Variants in INTS11 observed in about 807,000 individuals in gnomAD.
INTS11 encodes CPSF3-like protein.
INTS11 carries 77 observed loss-of-function variants against 78.6 expected under a neutral mutation model. That is an observed-to-expected ratio of 0.98 (90% CI 0.81 to 1.18). The LOEUF (loss-of-function observed/expected upper bound fraction) is 1.18, where lower values mean the gene tolerates loss of function less well. Among genes scored for constraint, INTS11 ranks in the 50% most tolerant of loss-of-function variants. INTS11 has a pLI of 0.00. For missense variants in INTS11, 875 were observed against 825.9 expected (o/e 1.06, Z -0.73); for synonymous variants, 441 against 326.9 (o/e 1.35, Z -3.77).
intron 1 of INTS11, chr1:1,322,110 G>T (rs1350310389): frequency 1.9e-6 from 1 of 514,510 alleles, no homozygotes; most frequent in Non-Finnish European, 3.2e-6. Context: ...AGCCACGCCA[G>T]GCTCACAGAG....
rs1279118436 is a variant in INTS11 at position 1,312,117 on chromosome 1, G to A, written c.1638C>T (p.Leu546=). ...SVLKDHCVQH[L]PDGSVTVESV... Reference sequence around the variant, plus strand: ...ACTCCACAGTCACAGAGCCGTCTGGGAGGTGCTGCACACAGTGGTCCTTCA... The same window carrying A: ...ACTCCACAGTCACAGAGCCGTCTGGAAGGTGCTGCACACAGTGGTCCTTCA... Residue 546 remains leucine (L), a synonymous_variant, in exon 16 of 17, where the codon CTC becomes CTT. Transcript: ENST00000435064. 6.3e-7 allele frequency: 1 copy of A among 1,575,024 alleles called. No individual in the cohort carries two copies. Among genetic ancestry groups the A allele is most frequent in the Admixed American group, 1.8e-5 (1 of 55,892 alleles).
At chr1:1,312,173 G>A in intron 15 of INTS11, 26 bp from the exon 16 acceptor site, 2 of 1,466,630 alleles carry the variant, frequency 1.4e-6, no homozygotes, top group Admixed American at 2.1e-5. Context: ...GTGAGACCCT[G>A]CCTGGCCTCC....
chr1:1,318,945 G>A, intron 4 of INTS11: 1 of 717,122 alleles, frequency 1.4e-6, no homozygotes, highest in Non-Finnish European at 2.6e-6. Flanking sequence ...TCCCTGCCCG[G>A]CAACACCCCG....
rs1435997309 is a variant in INTS11 at position 1,314,379 on chromosome 1, A to G, written c.703-14T>C. ...AGGTATCAGCACCTGAGGGGGACAC[A>G]AGGCAGGAGCCCTGGGCACATGGCC... is the stretch of plus-strand genomic sequence containing the variant. On this transcript the variant is annotated splice_polypyrimidine_tract_variant and intron_variant, in intron 7 of 16. Transcript: ENST00000435064. This position sits in a 1 kb window ranked among gnomAD's most constrained non-coding sequence, Gnocchi z 4.2. 6.2e-7 allele frequency: 1 copy of G among 1,600,766 alleles called. No homozygotes were observed. Among genetic ancestry groups the G allele is most frequent in the East Asian group, 2.3e-5 (1 of 44,320 alleles).
rs778736451 is a variant in INTS11 at position 1,312,361 on chromosome 1, C to T, written c.1472G>A (p.Arg491Gln). ...GTLIMKDSNF[R>Q]LVSSEQALKE... ...GAGGGCTTGCTCTGAGGACACCAGC[C>T]GGAAGTTCTGTGGGGCAGGGACAGG... Residue 491 changes from arginine to glutamine, a missense_variant, in exon 15 of 17, where the codon CGG becomes CAG. Transcript: ENST00000435064. The T allele has an allele frequency of 1.5e-5, 23 of 1,564,996 alleles. No individual in the cohort carries two copies. Among genetic ancestry groups the T allele is most frequent in the Admixed American group, 1.1e-4 (6 of 53,032 alleles).
intron 10 of INTS11, 146 bp from the exon 11 acceptor site, chr1:1,313,270 C>G: frequency 9.8e-7 from 1 of 1,020,274 alleles, no homozygotes; most frequent in Non-Finnish European, 1.4e-6. Context: ...CTCCAAAGGG[C>G]TCAGGTTTTG....
At chr1:1,321,256 G>A (rs1429824766) in intron 1 of INTS11, among the ~76,000 whole-genome samples, 163 bp from the exon 2 acceptor site, 1 of 152,196 alleles carries the variant, frequency 6.6e-6, no homozygotes, top group Non-Finnish European at 1.5e-5. Context: ...ACAGGAAGGG[G>A]GACACAGGGG....
At chr1:1,315,082 A>T (rs1467374880) in intron 6 of INTS11, 120 bp from the exon 7 acceptor site, 1 of 1,274,422 alleles carries the variant, frequency 7.8e-7, no homozygotes, top group African/African-American at 1.5e-5. Context: ...CTCTGGCTGG[A>T]AAGAGCCAGC....
rs964348657 is a variant in INTS11, at chr1:1,312,927, T to C, written c.1154A>G (p.Glu385Gly). Reference protein sequence around the residue: ...RQVLEVKMQVEYMSFSAHADA... With the variant: ...RQVLEVKMQVGYMSFSAHADA... The stretch of plus-strand genomic sequence containing the variant: ...CGCGTGTGCGCTGAATGACATGTAC[T>C]CCACCTGCATCTTGACCTCCAGCTA... The change falls in exon 12 of 17, where the codon GAG becomes GGG. Residue 385 changes from glutamate (E) to glycine (G), a missense_variant. Physicochemically the swap from Glu to Gly is moderately conservative, Grantham distance 98. Coordinates refer to ENST00000435064, the MANE Select transcript of INTS11 (RefSeq NM_017871.6). The C allele has an allele frequency of 1.2e-6, 2 of 1,612,044 alleles. No homozygotes were observed. Among genetic ancestry groups the C allele is most frequent in the Non-Finnish European group, 1.7e-6 (2 of 1,179,398 alleles).
At chr1:1,321,822 G>T in intron 1 of INTS11, 1 of 1,042,722 alleles carries the variant, frequency 9.6e-7, no homozygotes, top group Non-Finnish European at 1.3e-6. Flanking sequence ...GGGGGCCCGA[G>T]AGGAAAGGGT....
intron 1 of INTS11, among the ~76,000 whole-genome samples, chr1:1,321,592 C>T (rs1557643649): frequency 1.3e-5 from 2 of 152,230 alleles, no homozygotes; most frequent in Admixed American, 6.5e-5. Context: ...TGTGGAGGGG[C>T]GCCACACAGC....
rs756719002 is a variant in INTS11 at position 1,313,103 on chromosome 1, C to T, written c.1063G>A (p.Val355Met). Reference protein sequence around the residue: ...KNMVIMPGYCVQGTVGHKILS... With the variant: ...KNMVIMPGYCMQGTVGHKILS... Reference sequence around the variant, plus strand: ...ATCTTGTGGCCGACGGTGCCCTGCACGCAGTAGCCGGGCATGATGACCTGG... The same window carrying T: ...ATCTTGTGGCCGACGGTGCCCTGCATGCAGTAGCCGGGCATGATGACCTGG... The change falls in exon 11 of 17, where the codon GTG becomes ATG. Residue 355 changes from valine to methionine, a missense_variant. Val to Met is a conservative substitution (Grantham distance 21). Coordinates refer to ENST00000435064, the MANE Select transcript of INTS11 (RefSeq NM_017871.6). 30 of 1,608,130 alleles carry T rather than the reference C, an allele frequency of 1.9e-5. No individual in the cohort carries two copies. Among genetic ancestry groups the T allele is most frequent in the African/African-American group, 2.7e-5 (2 of 74,932 alleles).
rs914151094 is a variant in INTS11 at position 1,314,819 on chromosome 1, G to A, written c.702+5C>T. On this transcript the variant is annotated splice_donor_5th_base_variant and intron_variant, in intron 7 of 16. Transcript: ENST00000435064. This position sits in a 1 kb window ranked among gnomAD's most constrained non-coding sequence, Gnocchi z 4.2. Reference sequence around the variant, plus strand: ...GGCCCATGTCCCCACCCCTGCTGCAGCTACCTTCCCACCACGCTCCACGGT... The same window carrying A: ...GGCCCATGTCCCCACCCCTGCTGCAACTACCTTCCCACCACGCTCCACGGT... 1.9e-6 allele frequency: 3 copies of A among 1,609,238 alleles called. No homozygotes were observed. In the Admixed American group the frequency reaches 5.0e-5, roughly 27 times the overall value.
chr1:1,320,409 CCA>C (rs1454272016), intron 3 of INTS11, 45 bp downstream of exon 3: 1 of 1,587,302 alleles, frequency 6.3e-7, no homozygotes, highest in Admixed American at 1.7e-5. Context: ...GGCCCAAGCC[CCA>C]CAGGCACAGA....
intron 15 of INTS11, 28 bp downstream of exon 15, chr1:1,312,198 T>TAGGGG (rs752605219): frequency 7.4e-6 from 8 of 1,080,892 alleles, no homozygotes; most frequent in Non-Finnish European, 9.9e-6. Context: ...CCCAAGGGAG[T>TAGGGG]GGGGGGGGGG....
rs1010371825 is a variant in INTS11 at position 1,314,497 on chromosome 1, T to A, written c.703-132A>T. The stretch of plus-strand genomic sequence containing the variant: ...ACCTTAGCCTCTCATCTGCTCCCAG[T>A]CCCGTCCCAGCCGCTCTCCAGAGAC... On this transcript the variant is annotated intron_variant, in intron 7 of 16. Transcript: ENST00000435064. The surrounding 1 kb of genome is among the most constrained non-coding windows in gnomAD (Gnocchi z 4.2). 6 of 783,876 alleles carry A rather than the reference T, an allele frequency of 7.7e-6. No individual in the cohort carries two copies. Among genetic ancestry groups the A allele is most frequent in the Admixed American group, 5.7e-5 (2 of 34,990 alleles). The allele number at this position is 783,876 out of a possible 1,614,324, so 48.6% of individuals were successfully genotyped here. A position where few individuals can be genotyped will look rare whatever the true frequency, so the allele number is the denominator to read the frequency against.
At position 1,312,033 on chromosome 1, in the gene INTS11, G is replaced by A. The variant is rs1459169703; in HGVS notation, c.1722C>T (p.Val574=). ...CACCCCTTACCTGGTAGGTCCAGGAGACCAGCAGCACCTTGGTGCCTGGGT... is the reference window on the plus strand; with the variant it reads ...CACCCCTTACCTGGTAGGTCCAGGAAACCAGCAGCACCTTGGTGCCTGGGT... ...SEDPGTKVLL[V]SWTYQDEELG... is the part of the protein sequence containing the mutation. The change falls in exon 16 of 17, where the codon GTC becomes GTT. Residue 574 remains valine, a synonymous_variant. Transcript: ENST00000435064. 1 of 1,575,586 alleles carries A rather than the reference G, an allele frequency of 6.3e-7. No individual in the cohort carries two copies. Among genetic ancestry groups the A allele is most frequent in the Non-Finnish European group, 8.6e-7 (1 of 1,160,374 alleles).
intron 16 of INTS11, 27 bp downstream of exon 16, chr1:1,311,991 C>G: frequency 6.3e-7 from 1 of 1,591,324 alleles, no homozygotes; most frequent in Non-Finnish European, 8.6e-7. Context: ...CTGTGTTGAC[C>G]GCGGTGGGGT....
At position 1,313,013 on chromosome 1, in the gene INTS11, C is replaced by A. The variant is rs766181999; in HGVS notation, c.1131+22G>T. The A allele has an allele frequency of 1.1e-5, 17 of 1,611,700 alleles. No individual in the cohort carries two copies. In the South Asian group the frequency reaches 1.8e-4, roughly 17 times the overall value. On this transcript the variant is annotated intron_variant, in intron 11 of 16. Coordinates refer to ENST00000435064, the MANE Select transcript of INTS11 (RefSeq NM_017871.6). Reference sequence around the variant, plus strand: ...GGAGGTGCCCCTCGGCCCTGCCAGCCCAGTGCGGGGTCGAGACTCACCACC... The same window carrying A: ...GGAGGTGCCCCTCGGCCCTGCCAGCACAGTGCGGGGTCGAGACTCACCACC...
Sources: allele counts gnomAD v4.1 joint callset (sites outside exome capture counted in the v4.1 genomes callset), GRCh38; gene constraint gnomAD v4.1.1; non-coding constraint Gnocchi (gnomAD v3.1); transcripts MANE v1.5; gene names NCBI Gene and HGNC (gene_info 2026-07-23, HGNC 2026-07-21).